The following STRBP variants were observed in gnomAD, a reference collection of about 807,000 sequenced individuals.
The protein encoded by STRBP is spermatid perinuclear RNA binding protein, also known as spermatid perinuclear RNA-binding protein.
STRBP carries 13 observed loss-of-function variants against 80.1 expected under a neutral mutation model. The observed-to-expected ratio is 0.16, with a 90% CI of 0.11 to 0.26. The LOEUF is 0.26. STRBP is among the 10% of genes least tolerant of loss of function. The pLI is 1.00. For missense variants in STRBP, 485 were observed against 815.2 expected (o/e 0.59, Z 4.93); for synonymous variants, 284 against 291.2 (o/e 0.98, Z 0.25).
At chr9:123,146,823 G>A in intron 13 of STRBP, 32 bp downstream of exon 13, 2 of 1,538,074 alleles carry the variant, frequency 1.3e-6, no homozygotes, top group Non-Finnish European at 1.8e-6. Flanking sequence ...CATAAAATAA[G>A]AAAGCATTGC....
Position 123,115,741 on chromosome 9 carries a change from C to T in STRBP, c.*84+188G>A, listed in dbSNP as rs555909623. ...CACAGCATTTCCTCTTTGCCGTCCA[C>T]ACAACCGGCTTCTTGCTTGAACATG... On this transcript the variant is annotated intron_variant and NMD_transcript_variant, in intron 3 of 3. Transcript: ENST00000471564. This position sits in a 1 kb window ranked among gnomAD's most constrained non-coding sequence, Gnocchi z 5.0. 2.1e-5 allele frequency: 7 copies of T among 336,232 alleles called. No homozygotes were observed. Among genetic ancestry groups the T allele is most frequent in the Non-Finnish European group, 3.5e-5 (6 of 170,980 alleles). 20.8% of individuals were successfully genotyped at this position (336,232 alleles called of 1,614,324 possible).
intron 16 of STRBP, among the ~76,000 whole-genome samples, chr9:123,133,688 C>T (rs947357507): frequency 1.6e-4 from 25 of 151,986 alleles, no homozygotes; most frequent in Non-Finnish European, 3.2e-4. Flanking sequence ...TACAGGCACC[C>T]GCCACCACAC....
At chr9:123,213,722 C>G (rs766405848) in intron 2 of STRBP, 1 of 152,074 alleles carries the variant, frequency 6.6e-6, no homozygotes, top group Non-Finnish European at 1.5e-5. Context: ...GTCAGGAGTT[C>G]GAGACCAGCC....
At chr9:123,253,788 C>T (rs939620964) in intron 1 of STRBP, among the ~76,000 whole-genome samples, 3 of 152,168 alleles carry the variant, frequency 2.0e-5, no homozygotes, top group Non-Finnish European at 4.4e-5. Context: ...ACTGGCAAAT[C>T]GGAAGCAGGC....
chr9:123,148,557 T>C (rs2036919993), intron 11 of STRBP, among the ~76,000 whole-genome samples: 1 of 152,252 alleles, frequency 6.6e-6, no homozygotes, highest in African/African-American at 2.4e-5. Flanking sequence ...TTTTACTTAA[T>C]ATCATTTCAA....
intron 2 of STRBP, among the ~76,000 whole-genome samples, 171 bp downstream of exon 2, chr9:123,236,657 TAA>T (rs780963051): frequency 3.8e-5 from 5 of 130,746 alleles, no homozygotes; most frequent in Admixed American, 7.7e-5. Flanking sequence ...TAGGATTTTC[TAA>T]AAAAAAAAAA....
intron 6 of STRBP, chr9:123,168,319 C>G: frequency 1.5e-6 from 1 of 671,138 alleles, no homozygotes. Flanking sequence ...ATACTACATA[C>G]AGCAAAAAAA....
intron 13 of STRBP, among the ~76,000 whole-genome samples, chr9:123,141,246 T>A (rs967936324): frequency 1.3e-5 from 2 of 152,144 alleles, no homozygotes; most frequent in Admixed American, 6.5e-5. Flanking sequence ...TACATAGAAG[T>A]CTGTACCAAG....
At chr9:123,179,274 A>C (rs750617627) in intron 3 of STRBP, 47 bp from the exon 4 acceptor site, 2 of 1,515,686 alleles carry the variant, frequency 1.3e-6, no homozygotes, top group South Asian at 2.3e-5. Flanking sequence ...AAGAAACATC[A>C]CCTGAAAAAG....
At chr9:123,202,802 C>T (rs1171306151) in intron 2 of STRBP, among the ~76,000 whole-genome samples, 2 of 152,122 alleles carry the variant, frequency 1.3e-5, no homozygotes, top group East Asian at 3.8e-4. Context: ...CAGAACATCA[C>T]ACCTACTCCA....
At chr9:123,219,539 C>A (rs111731996) in intron 2 of STRBP, among the ~76,000 whole-genome samples, 3 of 152,184 alleles carry the variant, frequency 2.0e-5, no homozygotes, top group African/African-American at 7.2e-5. Context: ...AAATTGAAGG[C>A]CAGAATTATG....
intron 2 of STRBP, among the ~76,000 whole-genome samples, chr9:123,203,180 C>T (rs1426258708): frequency 2.0e-5 from 3 of 151,882 alleles, no homozygotes; most frequent in Non-Finnish European, 4.4e-5. Context: ...TAACAAGACC[C>T]TCTCTCTACA....
chr9:123,136,725 G>C lies in STRBP; in HGVS notation c.1498-210C>G, dbSNP rs2036369442. ...AGTAAACATTGCAGTCATCTGGCCAGCCTTCCTTCGAAGCAGTATTCAAGA... is the reference window on the plus strand; with the variant it reads ...AGTAAACATTGCAGTCATCTGGCCACCCTTCCTTCGAAGCAGTATTCAAGA... On this transcript the variant is annotated intron_variant, in intron 14 of 18. Transcript: ENST00000348403. This position sits in a 1 kb window ranked among gnomAD's most constrained non-coding sequence, Gnocchi z 4.2. Among the ~76,000 whole-genome samples, 1 of 152,182 alleles carries C rather than the reference G, an allele frequency of 6.6e-6. No individual in the cohort carries two copies.
intron 2 of STRBP, among the ~76,000 whole-genome samples, chr9:123,197,942 G>A (rs1376439846): frequency 1.3e-5 from 2 of 152,030 alleles, no homozygotes; most frequent in African/African-American, 2.4e-5. Flanking sequence ...TCAAAGTGCT[G>A]GGATTACAGG....
chr9:123,238,896 C>T (rs1050160223), intron 1 of STRBP, among the ~76,000 whole-genome samples: 10 of 152,036 alleles, frequency 6.6e-5, no homozygotes, highest in African/African-American at 2.2e-4. Flanking sequence ...CGTTAGAATG[C>T]CATCTGGGAG....
intron 1 of STRBP, among the ~76,000 whole-genome samples, chr9:123,251,093 A>C (rs1176969366): frequency 1.3e-5 from 2 of 152,014 alleles, no homozygotes; most frequent in African/African-American, 2.4e-5. Flanking sequence ...GTACCACTGC[A>C]CTCCAGCCTG....
rs534502185 is a variant in STRBP, at chr9:123,166,384, C to T, written c.535+3518G>A. Among the ~76,000 whole-genome samples, 4 of 152,280 alleles carry T rather than the reference C, an allele frequency of 2.6e-5. No individual in the cohort carries two copies. The East Asian group carries it at 5.8e-4, about 22-fold the overall frequency. ...ATTACATAAATTCTCTCACTTAAAA[C>T]AACTTTCTAAGGTATTTATAATCCA... On this transcript the variant is annotated intron_variant, in intron 6 of 18. Coordinates refer to ENST00000348403, the MANE Select transcript of STRBP (RefSeq NM_018387.5).
intron 18 of STRBP, 32 bp downstream of exon 18, chr9:123,128,182 A>T (rs2035972515): frequency 6.2e-7 from 1 of 1,613,272 alleles, no homozygotes; most frequent in South Asian, 1.1e-5. Context: ...GACAGTCGCT[A>T]AGAGGAGATA....
In STRBP at chr9:123,136,218, C is replaced by T; in HGVS notation, c.1633-37G>A. On this transcript the variant is annotated intron_variant, in intron 15 of 18. Coordinates refer to ENST00000348403, the MANE Select transcript of STRBP (RefSeq NM_018387.5). The surrounding 1 kb of genome is among the most constrained non-coding windows in gnomAD (Gnocchi z 4.2). ...AATAACACCTTGCAATTATCCCATG[C>T]AATTCCTCTATGTCCTTTTAATTTA... 2 of 1,612,672 alleles carry T rather than the reference C, an allele frequency of 1.2e-6. No individual in the cohort carries two copies. Among genetic ancestry groups the T allele is most frequent in the Non-Finnish European group, 1.7e-6 (2 of 1,179,442 alleles).
Sources: gnomAD v4.1 joint callset for allele counts (sites outside exome capture counted in the v4.1 genomes callset) on GRCh38, gnomAD v4.1.1 for gene constraint, Gnocchi (gnomAD v3.1) non-coding constraint, MANE v1.5 for transcripts, NCBI Gene and HGNC (gene_info 2026-07-23, HGNC 2026-07-21) for gene names.